The following UBR2 variants were observed in gnomAD, a reference collection of about 807,000 sequenced individuals.
UBR2 encodes the protein ubiquitin protein ligase E3 component n-recognin 2.
A neutral mutation model predicts 247.9 loss-of-function variants in UBR2; 92 were observed. The observed-to-expected ratio is 0.37, with a 90% CI of 0.31 to 0.44. The LOEUF is 0.44. Ranked by LOEUF, UBR2 falls within the 20% of genes least tolerant of loss-of-function variation. UBR2 has a pLI of 1.00. For missense variants in UBR2, 1,613 were observed against 2,112.6 expected (o/e 0.76, Z 4.64); for synonymous variants, 672 against 693.5 (o/e 0.97, Z 0.49).
At chr6:42,652,297 A>G (rs1797167522) in intron 24 of UBR2, among the ~76,000 whole-genome samples, 194 bp from the exon 25 acceptor site, 1 of 152,202 alleles carries the variant, frequency 6.6e-6, no homozygotes, top group South Asian at 2.1e-4. Flanking sequence ...TTCTAGGGGA[A>G]AAGATAGACT....
At chr6:42,567,884 T>A (rs1032999086) in intron 1 of UBR2, among the ~76,000 whole-genome samples, 6 of 151,216 alleles carry the variant, frequency 4.0e-5, no homozygotes, top group African/African-American at 9.7e-5. Context: ...TAAAAAAAAA[T>A]AAAATAAAAT....
intron 2 of UBR2, among the ~76,000 whole-genome samples, chr6:42,575,639 C>T (rs1055693726): frequency 5.9e-5 from 9 of 152,048 alleles, no homozygotes; most frequent in South Asian, 2.1e-4. Flanking sequence ...GTCTGGTTTT[C>T]GTAATTAGAT....
Position 42,682,426 on chromosome 6 carries a change from A to T in UBR2, c.4719-629A>T, listed in dbSNP as rs72861197. ...ATTTTTATGTTATATATATTTTACC[A>T]CACTAAAAAAAAAAATTTTTTTTTT... is the stretch of plus-strand genomic sequence containing the variant. On this transcript the variant is annotated intron_variant, in intron 42 of 46. Coordinates refer to ENST00000372901, the MANE Select transcript of UBR2 (RefSeq NM_001363705.2). Among the ~76,000 whole-genome samples the T allele has an allele frequency of 3.8e-3, 582 of 151,724 alleles. 5 individuals carry two copies. The highest frequency in any genetic ancestry group is 6.1e-3 in the Non-Finnish European group (418 of 67,968).
At chr6:42,678,058 AAT>A (rs1225822563) in intron 40 of UBR2, among the ~76,000 whole-genome samples, 39 of 152,054 alleles carry the variant, frequency 2.6e-4, no homozygotes, top group Admixed American at 1.8e-3. Context: ...TACTTTTATA[AAT>A]TTTAATAACA....
At chr6:42,671,695 G>C (rs999167993) in intron 36 of UBR2, among the ~76,000 whole-genome samples, 1 of 151,984 alleles carries the variant, frequency 6.6e-6, no homozygotes, top group African/African-American at 2.4e-5. Context: ...CTTAATTTCT[G>C]TGACACTCTT....
intron 17 of UBR2, 123 bp from the exon 18 acceptor site, chr6:42,642,293 G>T: frequency 1.5e-6 from 1 of 671,762 alleles, no homozygotes; most frequent in Non-Finnish European, 2.6e-6. Context: ...AATGTTAATT[G>T]TTAGAGAAAC....
At chr6:42,654,672 A>G (rs932356838) in intron 25 of UBR2, among the ~76,000 whole-genome samples, 5 of 152,170 alleles carry the variant, frequency 3.3e-5, no homozygotes, top group Non-Finnish European at 7.4e-5. Context: ...CAGTGAGCCA[A>G]TATTGTGCCA....
In UBR2 at chr6:42,676,188, A is replaced by G. The variant is rs111273100; in HGVS notation, c.4384A>G (p.Thr1462Ala). ...HIIQILLTSCTEENGMDQENP... is the reference protein window; with the variant it reads ...HIIQILLTSCAEENGMDQENP... ...CATACAGATCTTACTTACCTCATGT[A>G]CAGGTAACTCTTGCCTTTTTGTCAG... The change falls in exon 39 of 47, where the codon ACA (threonine) becomes GCA (alanine). Residue 1462 changes from threonine to alanine, a missense_variant. By Grantham distance (58) the Thr-to-Ala change is moderately conservative (BLOSUM62 0). This residue lies in a region of UBR2 where 1,524 missense variants were observed against 1,967.3 expected (regional missense o/e 0.77). Transcript: ENST00000372901. 595 of 1,587,316 alleles carry G rather than the reference A, an allele frequency of 3.7e-4. 3 individuals carry two copies. In the Middle Eastern group the frequency reaches 4.2e-3, roughly 11 times the overall value.
chr6:42,640,182 C>T lies in UBR2; in HGVS notation c.1859-27C>T, dbSNP rs941569112. On this transcript the variant is annotated intron_variant, in intron 15 of 46. Transcript: ENST00000372901. ...TAAATGATTTTTACTGATAGAAATA[C>T]TGTTTTTTGTTTGTTCTTTCATGCA... 5.7e-6 allele frequency: 9 copies of T among 1,576,310 alleles called. No individual in the cohort carries two copies. The Admixed American group carries it at 1.1e-4, about 19-fold the overall frequency.
At position 42,635,443 on chromosome 6, in the gene UBR2, T is replaced by C. The variant is rs1205787158; in HGVS notation, c.1571T>C (p.Val524Ala). 1.9e-6 allele frequency: 3 copies of C among 1,613,852 alleles called. No homozygotes were observed. Among genetic ancestry groups the C allele is most frequent in the Non-Finnish European group, 2.5e-6 (3 of 1,179,850 alleles). The change falls in exon 14 of 47, where the codon GTA becomes GCA. Residue 524 changes from valine (V) to alanine (A), a missense_variant. By Grantham distance (64) the Val-to-Ala change is moderately conservative (BLOSUM62 0). This residue lies in a region of UBR2 where 1,524 missense variants were observed against 1,967.3 expected (regional missense o/e 0.77). Coordinates refer to ENST00000372901, the MANE Select transcript of UBR2 (RefSeq NM_001363705.2). The stretch of plus-strand genomic sequence containing the variant: ...GGAATGGATCCAATTACACGTCAAG[T>C]AGGACAACATATTGAAATGGAACCA... The part of the protein sequence containing the change: ...MQGMDPITRQ[V>A]GQHIEMEPEW...
intron 21 of UBR2, among the ~76,000 whole-genome samples, chr6:42,647,494 G>A (rs1385793739): frequency 2.0e-5 from 3 of 151,682 alleles, no homozygotes; most frequent in African/African-American, 7.3e-5. Context: ...TACTTGGTAG[G>A]CTGAGGCAGG....
Position 42,630,484 on chromosome 6 carries a change from A to ATT in UBR2, c.1282-2057_1282-2056dup, listed in dbSNP as rs571382373. Reference sequence around the variant, plus strand: ...AGGCATAAGCCACTGCACCCAGCCTATTTTTTTTTTTTGATACCCCTAAAG... The same window carrying ATT: ...AGGCATAAGCCACTGCACCCAGCCTATTTTTTTTTTTTTTGATACCCCTAAAG... On this transcript the variant is annotated intron_variant, in intron 11 of 46. Transcript: ENST00000372901. Among the ~76,000 whole-genome samples, 174 of 144,756 alleles carry ATT rather than the reference A, an allele frequency of 1.2e-3. 2 individuals carry two copies. The highest frequency in any genetic ancestry group is 4.0e-3 in the African/African-American group (161 of 39,892). The allele number at this position is 144,756 out of a possible 152,430, so 95.0% of individuals were successfully genotyped here.
intron 2 of UBR2, among the ~76,000 whole-genome samples, chr6:42,575,688 G>A (rs951395483): frequency 6.6e-6 from 1 of 152,172 alleles, no homozygotes; most frequent in Admixed American, 6.5e-5. Flanking sequence ...CAGAAATCAT[G>A]TGTTTTAACC....
intron 4 of UBR2, among the ~76,000 whole-genome samples, chr6:42,596,697 C>G (rs1015018086): frequency 6.6e-6 from 1 of 152,198 alleles, no homozygotes; most frequent in Non-Finnish European, 1.5e-5. Flanking sequence ...GCATGAACCT[C>G]TAAAACATAT....
Position 42,635,508 on chromosome 6 carries a change from CAT to C in UBR2, c.1637_1638del (p.His546ArgfsTer13). On this transcript the variant is annotated frameshift_variant, in exon 14 of 47. Coordinates refer to ENST00000372901, the MANE Select transcript of UBR2 (RefSeq NM_001363705.2). LOFTEE classifies it high-confidence loss of function. The part of the protein sequence containing the change: ...AAFTLQMKLT[H>X]VISMMQDWCA... ...CTTCACACTACAAATGAAATTAACA[CAT>C]GTCATTTCAATGATGCAGGACTGGT... The C allele has an allele frequency of 1.2e-6, 2 of 1,613,438 alleles. No individual in the cohort carries two copies. The highest frequency in any genetic ancestry group is 1.7e-6 in the Non-Finnish European group (2 of 1,179,524).
intron 1 of UBR2, among the ~76,000 whole-genome samples, chr6:42,572,620 A>C (rs1162341238): frequency 6.6e-6 from 1 of 151,916 alleles, no homozygotes; most frequent in Non-Finnish European, 1.5e-5. Flanking sequence ...CATAGTACCC[A>C]ATAGGTAGTT....
chr6:42,674,531 A>G (rs921681636), intron 38 of UBR2, among the ~76,000 whole-genome samples: 11 of 152,050 alleles, frequency 7.2e-5, no homozygotes, highest in African/African-American at 1.9e-4. Flanking sequence ...TGCGAGGCTC[A>G]CCCCAGATCA....
chr6:42,640,316 C>T, intron 16 of UBR2, 46 bp downstream of exon 16: 2 of 1,497,896 alleles, frequency 1.3e-6, no homozygotes, highest in Non-Finnish European at 1.8e-6. Context: ...TTATTATGTT[C>T]TTTGTATTTG....
chr6:42,611,117 A>G (rs551498424), intron 7 of UBR2, among the ~76,000 whole-genome samples: 1 of 144,144 alleles, frequency 6.9e-6, no homozygotes, highest in African/African-American at 2.5e-5. Flanking sequence ...AAGTGCTGGG[A>G]TTACAGGTGT....
Sources: allele counts gnomAD v4.1 joint callset (sites outside exome capture counted in the v4.1 genomes callset), GRCh38; gene constraint gnomAD v4.1.1; regional missense constraint gnomAD v4.1.1; transcripts MANE v1.5; gene names NCBI Gene and HGNC (gene_info 2026-07-23, HGNC 2026-07-21).